Variants in CCDC66 observed in about 807,000 individuals in gnomAD.
CCDC66 encodes coiled-coil domain-containing protein 66.
A neutral mutation model predicts 128.3 loss-of-function variants in CCDC66; 133 were observed. The ratio of observed to expected loss-of-function variants is 1.04; its 90% confidence interval spans 0.90 to 1.20. The LOEUF is 1.20. Ranked by LOEUF, CCDC66 falls within the 50% of genes most tolerant of loss-of-function variation. The pLI is 0.00. For missense variants in CCDC66, 1,126 were observed against 1,075.5 expected, an observed-to-expected ratio of 1.05 and a Z score of -0.66; for synonymous variants, 387 against 357.0, an observed-to-expected ratio of 1.08 and a Z score of -0.95.
rs1355415864 is a variant in CCDC66, at chr3:56,557,213, C to T, written c.-30C>T. The T allele has an allele frequency of 1.3e-6, 2 of 1,550,840 alleles. No individual in the cohort carries two copies. The highest frequency in any genetic ancestry group is 2.4e-5 in the East Asian group (1 of 40,860). On this transcript the variant is annotated 5_prime_UTR_variant, in exon 1 of 18. Coordinates refer to ENST00000394672, the MANE Select transcript of CCDC66 (RefSeq NM_001141947.3). ...AACCGACGTACACAAGGGGCTTGAG[C>T]GTTCTGTGGAGAGAGTGCGAGGTCA...
At position 56,618,207 on chromosome 3, in the gene CCDC66, G is replaced by A; in HGVS notation, c.2373G>A (p.Lys791=). 14 of 1,612,796 alleles carry A rather than the reference G, an allele frequency of 8.7e-6. No homozygotes were observed. The highest frequency in any genetic ancestry group is 1.3e-5 in the African/African-American group (1 of 75,010). Residue 791 remains lysine (K), a synonymous_variant, in exon 15 of 18, where the codon AAG becomes AAA. Coordinates refer to ENST00000394672, the MANE Select transcript of CCDC66 (RefSeq NM_001141947.3). ...CTCTGAATATTCATTCATTCAGCAA[G>A]GAAAGGTAAGTATGCATCAGATTAA... ...EEPLNIHSFS[K]ERSPSSPVPV...
rs753875788 is a variant in CCDC66 at position 56,597,776 on chromosome 3, G to GTTTTTTTTTTTTTTTTTTTTTTTTTTTT, written c.1404+3748_1404+3749insTTTTTTTTTTTTTTTTTTTTTTTTTTTT. ...TTGTGGAGTCTAGGTTTTGTTTTGG[G>GTTTTTTTTTTTTTTTTTTTTTTTTTTTT]GTTTTTTTTTTTTTTTGAGACAGAG... On this transcript the variant is annotated intron_variant, in intron 10 of 17. Coordinates refer to ENST00000394672, the MANE Select transcript of CCDC66 (RefSeq NM_001141947.3). Among the ~76,000 whole-genome samples, 51 of 61,854 alleles carry GTTTTTTTTTTTTTTTTTTTTTTTTTTTT rather than the reference G, an allele frequency of 8.2e-4. 11 individuals are homozygous for GTTTTTTTTTTTTTTTTTTTTTTTTTTTT. The highest frequency in any genetic ancestry group is 2.6e-3 in the African/African-American group (36 of 13,820). The allele number at this position is 61,854 out of a possible 152,430, so 40.6% of individuals were successfully genotyped here.
intron 10 of CCDC66, among the ~76,000 whole-genome samples, chr3:56,603,163 T>A (rs1430471695): frequency 6.6e-6 from 1 of 152,000 alleles, no homozygotes; most frequent in African/African-American, 2.4e-5. Context: ...TGCGTCTGTT[T>A]GATTCTTCTC....
intron 12 of CCDC66, 21 bp downstream of exon 12, chr3:56,615,293 TTATTTA>T (rs1376073600): frequency 6.9e-7 from 1 of 1,441,722 alleles, no homozygotes; most frequent in Admixed American, 2.0e-5. Flanking sequence ...AACCAGAACT[TTATTTA>T]TAATATTTTT....
At chr3:56,602,823 T>TA (rs2073414017) in intron 10 of CCDC66, among the ~76,000 whole-genome samples, 1 of 133,484 alleles carries the variant, frequency 7.5e-6, no homozygotes, top group Admixed American at 9.3e-5. Flanking sequence ...AGCGGTGATA[T>TA]CCCCTTTATC....
At chr3:56,617,906 CACA>C (rs1237728135) in intron 14 of CCDC66, 2 of 569,442 alleles carry the variant, frequency 3.5e-6, no homozygotes, top group African/African-American at 1.9e-5. Context: ...TTTACACTTA[CACA>C]ACTTCTGTAG....
chr3:56,577,466 CT>C (rs1441411177), intron 7 of CCDC66, among the ~76,000 whole-genome samples: 1 of 151,676 alleles, frequency 6.6e-6, no homozygotes, highest in African/African-American at 2.4e-5. Context: ...GTTGCCATTG[CT>C]TTTGGTGTTT....
chr3:56,557,162 C>T (rs2064400976), upstream of CCDC66: 13 of 1,536,956 alleles, frequency 8.5e-6, no homozygotes, highest in African/African-American at 1.4e-5. Context: ...ATCCAATTGG[C>T]GTAGCGCTTG....
At chr3:56,616,301 C>A in intron 13 of CCDC66, 1 of 372,696 alleles carries the variant, frequency 2.7e-6, no homozygotes, top group South Asian at 2.5e-5. Context: ...ACATTTTGAT[C>A]ACTCTAGAAA....
At chr3:56,571,439 T>C (rs1577338223) in intron 7 of CCDC66, 137 bp downstream of exon 7, 1 of 549,578 alleles carries the variant, frequency 1.8e-6, no homozygotes, top group South Asian at 2.1e-5. Context: ...TGGAATGCAG[T>C]GGCACAGTCT....
rs1027599194 is a variant in CCDC66, at chr3:56,593,314, A to G, written c.1069-177A>G. Among the ~76,000 whole-genome samples, 22 of 152,194 alleles carry G rather than the reference A, an allele frequency of 1.4e-4. No individual in the cohort carries two copies. The highest frequency in any genetic ancestry group is 2.2e-4 in the Non-Finnish European group (15 of 68,032). ...ATTTCCTAATTCTTTGAATTTCTCA[A>G]ATTTTCAAAGCTAGTGATCTATATG... is the stretch of plus-strand genomic sequence containing the variant. On this transcript the variant is annotated intron_variant, in intron 8 of 17. Coordinates refer to ENST00000394672, the MANE Select transcript of CCDC66 (RefSeq NM_001141947.3).
intron 7 of CCDC66, among the ~76,000 whole-genome samples, chr3:56,578,051 G>A (rs1377536347): frequency 1.3e-5 from 2 of 151,866 alleles, no homozygotes; most frequent in African/African-American, 4.8e-5. Flanking sequence ...CTATCCATGA[G>A]TATGCAATGT....
chr3:56,606,869 A>G (rs1255579969), intron 10 of CCDC66, among the ~76,000 whole-genome samples: 1 of 151,954 alleles, frequency 6.6e-6, no homozygotes, highest in Admixed American at 6.6e-5. Context: ...TGGCTAGCCA[A>G]TTATTCCAAC....
chr3:56,574,241 AG>A (rs1368712887), intron 7 of CCDC66, among the ~76,000 whole-genome samples: 4 of 151,502 alleles, frequency 2.6e-5, no homozygotes, highest in Non-Finnish European at 4.4e-5. Flanking sequence ...ACGTGCCTGT[AG>A]TCCCAGCTAT....
At chr3:56,561,560 A>G (rs2065101118) in intron 3 of CCDC66, among the ~76,000 whole-genome samples, 1 of 152,194 alleles carries the variant, frequency 6.6e-6, no homozygotes, top group Admixed American at 6.5e-5. Context: ...GTTTATCCCC[A>G]TTGCATTTGG....
At chr3:56,600,609 C>T (rs141709229) in intron 10 of CCDC66, among the ~76,000 whole-genome samples, 4,130 of 152,066 alleles carry the variant, frequency 0.027, 135 homozygotes, top group African/African-American at 0.065. Flanking sequence ...AGTGTAAAAG[C>T]GTTCCTATTT....
rs1317463182 is a variant in CCDC66 at position 56,615,151 on chromosome 3, T to C, written c.1590T>C (p.Asn530=). ...AGGAAATCATGACTCTCAAGACAAA[T>C]GAGCTATTCCAGACAATGCAGCGAG... ...QKEEIMTLKT[N]ELFQTMQRAQ... Residue 530 remains asparagine (N), a synonymous_variant, in exon 12 of 18, where the codon AAT becomes AAC. Coordinates refer to ENST00000394672, the MANE Select transcript of CCDC66 (RefSeq NM_001141947.3). 1.2e-6 allele frequency: 2 copies of C among 1,613,852 alleles called. No homozygotes were observed. Among genetic ancestry groups the C allele is most frequent in the Non-Finnish European group, 1.7e-6 (2 of 1,179,930 alleles).
chr3:56,586,527 C>T (rs1396071221), intron 7 of CCDC66, among the ~76,000 whole-genome samples: 1 of 120,514 alleles, frequency 8.3e-6, no homozygotes, highest in Non-Finnish European at 2.0e-5. Flanking sequence ...AAGACTCTTT[C>T]TCAAAAAAAA....
chr3:56,584,358 GCTC>G (rs774650957), intron 7 of CCDC66, among the ~76,000 whole-genome samples: 63 of 149,088 alleles, frequency 4.2e-4, no homozygotes, highest in Non-Finnish European at 8.2e-4. Context: ...GGGTAGAGGG[GCTC>G]CTCACTTCTC....
Sources: gnomAD v4.1 joint callset for allele counts (sites outside exome capture counted in the v4.1 genomes callset) on GRCh38, gnomAD v4.1.1 for gene constraint, MANE v1.5 for transcripts, NCBI Gene and HGNC (gene_info 2026-07-23, HGNC 2026-07-21) for gene names.